The following DUSP16 variants were observed in gnomAD, a reference collection of about 807,000 sequenced individuals.
The protein encoded by DUSP16 is dual specificity phosphatase 16.
A neutral mutation model predicts 58.3 loss-of-function variants in DUSP16; 21 were observed. The observed-to-expected ratio is 0.36, with a 90% CI of 0.26 to 0.52. DUSP16 has a LOEUF of 0.52. Among genes scored for constraint, DUSP16 ranks in the 20% least tolerant of loss-of-function variants. The pLI is 0.94. For synonymous variants in DUSP16, 320 were observed against 323.8 expected, an observed-to-expected ratio of 0.99 and a Z score of 0.12; for missense variants, 726 against 819.0, an observed-to-expected ratio of 0.89 and a Z score of 1.39.
chr12:12,494,335 T>C (rs1180295014), intron 4 of DUSP16, among the ~76,000 whole-genome samples: 2 of 152,194 alleles, frequency 1.3e-5, no homozygotes, highest in African/African-American at 2.4e-5. Flanking sequence ...GGGTTACAAA[T>C]TAGGATATAA....
intron 1 of DUSP16, among the ~76,000 whole-genome samples, chr12:12,535,349 A>G (rs1465649801): frequency 6.6e-6 from 1 of 152,204 alleles, no homozygotes; most frequent in Non-Finnish European, 1.5e-5. Context: ...AAGGGGAAAA[A>G]AATTTTTTTT....
At chr12:12,512,202 T>C (rs532373943) in intron 3 of DUSP16, among the ~76,000 whole-genome samples, 4 of 152,246 alleles carry the variant, frequency 2.6e-5, no homozygotes, top group African/African-American at 7.2e-5. Context: ...AGCACCTTTT[T>C]CCCCAGCTTT....
At chr12:12,497,030 G>A (rs1291418629) in intron 4 of DUSP16, among the ~76,000 whole-genome samples, 1 of 152,112 alleles carries the variant, frequency 6.6e-6, no homozygotes, top group Non-Finnish European at 1.5e-5. Flanking sequence ...CCTAAAATGT[G>A]ACTACTCCAA....
chr12:12,501,668 G>A lies in DUSP16; in HGVS notation c.368-986C>T, dbSNP rs543193561. 5.3e-5 allele frequency among the ~76,000 whole-genome samples: 8 copies of A among 152,274 alleles called. No homozygotes were observed. In the East Asian group the frequency reaches 1.5e-3, roughly 29 times the overall value. On this transcript the variant is annotated intron_variant, in intron 3 of 6. Coordinates refer to ENST00000298573, the MANE Select transcript of DUSP16 (RefSeq NM_030640.3). ...AAGTCCGAATCAAGGAGATTTGGAT[G>A]ACGGGATCCTCGTATATTTTTAACA...
rs1169457911 is a variant in DUSP16 at position 12,480,089 on chromosome 12, A to G, written c.815+134T>C. 4 of 1,240,768 alleles carry G rather than the reference A, an allele frequency of 3.2e-6. No individual in the cohort carries two copies. In the East Asian group the frequency reaches 9.5e-5, roughly 29 times the overall value. The allele number at this position is 1,240,768 out of a possible 1,614,324, so 76.9% of individuals were successfully genotyped here. Reference sequence around the variant, plus strand: ...TTCCAATCTTCACAAGACCATTAAAAAATCCACAGTAACCTGTAAAAAATG... The same window carrying G: ...TTCCAATCTTCACAAGACCATTAAAGAATCCACAGTAACCTGTAAAAAATG... On this transcript the variant is annotated intron_variant, in intron 6 of 6. Coordinates refer to ENST00000298573, the MANE Select transcript of DUSP16 (RefSeq NM_030640.3).
intron 1 of DUSP16, among the ~76,000 whole-genome samples, chr12:12,553,267 A>G (rs1450090121): frequency 6.6e-6 from 1 of 152,196 alleles, no homozygotes; most frequent in Non-Finnish European, 1.5e-5. Flanking sequence ...GTACCACAAA[A>G]AAATAGCACT....
chr12:12,487,107 A>G lies in DUSP16; in HGVS notation c.612T>C (p.Ser204=), dbSNP rs199956429. ...CATTCACAGGCACACGCAGGAAATG[A>G]GACTCGGGGATAAAGTCAGGCTTTG... ...TCPKPDFIPE[S]HFLRVPVNDS... The change falls in exon 5 of 7, where the codon TCT becomes TCC. Residue 204 remains serine (S), a synonymous_variant. Transcript: ENST00000298573. The G allele has an allele frequency of 1.9e-6, 3 of 1,614,200 alleles. No individual in the cohort carries two copies. Among genetic ancestry groups the G allele is most frequent in the Middle Eastern group, 1.6e-4 (1 of 6,062 alleles).
At chr12:12,493,218 C>A (rs1332676279) in intron 4 of DUSP16, among the ~76,000 whole-genome samples, 1 of 152,158 alleles carries the variant, frequency 6.6e-6, no homozygotes. Context: ...GCCCTTCCTA[C>A]AGACTCCATC....
chr12:12,551,087 T>G (rs1566057088), intron 1 of DUSP16, among the ~76,000 whole-genome samples: 1 of 152,164 alleles, frequency 6.6e-6, no homozygotes, highest in Non-Finnish European at 1.5e-5. Flanking sequence ...CAATTTTTTT[T>G]TTTCATAGGA....
chr12:12,523,810 T>C (rs571550293), intron 1 of DUSP16, among the ~76,000 whole-genome samples: 1 of 152,332 alleles, frequency 6.6e-6, no homozygotes, highest in African/African-American at 2.4e-5. Flanking sequence ...GGGCTTCTAC[T>C]ACTGGGTTGC....
At chr12:12,506,928 A>G (rs1167378399) in intron 3 of DUSP16, among the ~76,000 whole-genome samples, 5 of 152,250 alleles carry the variant, frequency 3.3e-5, no homozygotes, top group Admixed American at 3.3e-4. Context: ...CCTCATTTAG[A>G]TAACACCTTC....
chr12:12,548,693 T>C (rs1026768222), intron 1 of DUSP16, among the ~76,000 whole-genome samples: 1 of 148,792 alleles, frequency 6.7e-6, no homozygotes, highest in African/African-American at 2.5e-5. Flanking sequence ...TTGCAATAGA[T>C]CTCTTCCTTT....
At chr12:12,538,419 C>T (rs943340269) in intron 1 of DUSP16, among the ~76,000 whole-genome samples, 1 of 152,110 alleles carries the variant, frequency 6.6e-6, no homozygotes, top group Non-Finnish European at 1.5e-5. Context: ...TGTCTTCTGG[C>T]AAGTTAATAA....
chr12:12,536,643 G>A (rs1944467450), intron 1 of DUSP16, among the ~76,000 whole-genome samples: 2 of 152,134 alleles, frequency 1.3e-5, no homozygotes, highest in South Asian at 4.1e-4. Context: ...TACTCAGGAA[G>A]CTGAGGCAAG....
chr12:12,548,946 G>T (rs1380439838), intron 1 of DUSP16, among the ~76,000 whole-genome samples: 2 of 152,124 alleles, frequency 1.3e-5, no homozygotes, highest in Non-Finnish European at 2.9e-5. Flanking sequence ...GAAAAGCAGA[G>T]ACTAGGGTGA....
rs1354621152 is a variant in DUSP16, at chr12:12,544,024, G to A, written c.-366+18093C>T. ...TCAAGTATAACATATATGCCAATAA[G>A]CATACACAAATCATGAATGTACAGC... On this transcript the variant is annotated intron_variant, in intron 1 of 6. Coordinates refer to ENST00000298573, the MANE Select transcript of DUSP16 (RefSeq NM_030640.3). Among the ~76,000 whole-genome samples the A allele has an allele frequency of 2.6e-5, 4 of 151,886 alleles. No individual in the cohort carries two copies. In the East Asian group the frequency reaches 5.8e-4, roughly 22 times the overall value.
intron 1 of DUSP16, 114 bp downstream of exon 1, chr12:12,562,003 C>G (rs4763844): frequency 6.7e-6 from 1 of 150,048 alleles, no homozygotes; most frequent in African/African-American, 2.4e-5. Flanking sequence ...GCGCGGCGCC[C>G]GGCACCGGGA....
chr12:12,556,621 C>T (rs1055837559), intron 1 of DUSP16, among the ~76,000 whole-genome samples: 17 of 151,916 alleles, frequency 1.1e-4, no homozygotes, highest in South Asian at 6.2e-4. Flanking sequence ...GTGAAGGGCA[C>T]ATATTTCTTA....
chr12:12,494,878 C>T (rs1361607133), intron 4 of DUSP16, among the ~76,000 whole-genome samples: 2 of 152,174 alleles, frequency 1.3e-5, no homozygotes, highest in East Asian at 1.9e-4. Flanking sequence ...TTAAAGCAAA[C>T]TCCTAAAGGA....
Sources: allele counts gnomAD v4.1 joint callset (sites outside exome capture counted in the v4.1 genomes callset), GRCh38; gene constraint gnomAD v4.1.1; transcripts MANE v1.5; gene names NCBI Gene and HGNC (gene_info 2026-07-23, HGNC 2026-07-21).